SEMA4D: variants seen among roughly 807,000 people sequenced by gnomAD.
SEMA4D encodes semaphorin-4D.
SEMA4D carries 22 observed loss-of-function variants against 74.8 expected under a neutral mutation model. That is an observed-to-expected ratio of 0.29 (90% CI 0.21 to 0.42). The LOEUF (loss-of-function observed/expected upper bound fraction) is 0.42. Ranked by LOEUF, SEMA4D falls within the 10% of genes least tolerant of loss-of-function variation. SEMA4D has a pLI of 1.00. For missense variants in SEMA4D, 937 were observed against 1,118.4 expected (o/e 0.84, Z 2.31); for synonymous variants, 445 against 463.7 (o/e 0.96, Z 0.52).
At chr9:89,478,339 G>A (rs1445668718) in intron 1 of SEMA4D, among the ~76,000 whole-genome samples, 1 of 152,172 alleles carries the variant, frequency 6.6e-6, no homozygotes, top group Non-Finnish European at 1.5e-5. Context: ...ATGTGATGTT[G>A]GAGCAGAGAC....
intron 18 of SEMA4D, among the ~76,000 whole-genome samples, chr9:89,363,158 C>T (rs1211542029): frequency 6.6e-6 from 1 of 152,232 alleles, no homozygotes; most frequent in Admixed American, 6.5e-5. Flanking sequence ...TCTAACTAGA[C>T]AGCCCCACCT....
intron 1 of SEMA4D, among the ~76,000 whole-genome samples, chr9:89,469,655 A>G (rs143538057): frequency 6.6e-6 from 1 of 152,370 alleles, no homozygotes; most frequent in African/African-American, 2.4e-5. Context: ...TCACAGAAGA[A>G]AAAGCACACA....
chr9:89,472,371 T>C, intron 1 of SEMA4D: 2 of 384,206 alleles, frequency 5.2e-6, no homozygotes, highest in Non-Finnish European at 5.0e-6. Flanking sequence ...ACAAGACACT[T>C]ACAAGATGGA....
At chr9:89,447,661 G>A (rs1159012958) in intron 2 of SEMA4D, among the ~76,000 whole-genome samples, 3 of 152,056 alleles carry the variant, frequency 2.0e-5, no homozygotes, top group African/African-American at 4.8e-5. Flanking sequence ...CCGGGTGCCC[G>A]ACACCCCCAC....
chr9:89,480,834 T>C (rs557010554), intron 1 of SEMA4D, among the ~76,000 whole-genome samples: 6 of 152,196 alleles, frequency 3.9e-5, no homozygotes. Context: ...GGGAGTGGGC[T>C]CCGGCCTTGG....
intron 2 of SEMA4D, among the ~76,000 whole-genome samples, chr9:89,443,007 G>T (rs1391964114): frequency 6.6e-6 from 1 of 152,206 alleles, no homozygotes; most frequent in Non-Finnish European, 1.5e-5. Flanking sequence ...ACCGTGCTCA[G>T]CAGCAGGAGG....
chr9:89,461,546 C>A (rs530404059), intron 1 of SEMA4D, among the ~76,000 whole-genome samples: 2 of 152,164 alleles, frequency 1.3e-5, no homozygotes, highest in East Asian at 3.8e-4. Context: ...CAAGTGTGGG[C>A]ACCACAGGAA....
rs541837570 is a variant in SEMA4D at position 89,449,589 on chromosome 9, C to T, written c.-244+6299G>A. The T allele has an allele frequency of 4.5e-6, 4 of 896,506 alleles. No individual in the cohort carries two copies. The Admixed American group carries it at 6.9e-5, about 15-fold the overall frequency. The allele number at this position is 896,506 out of a possible 1,614,324, so 55.5% of individuals were successfully genotyped here. On this transcript the variant is annotated intron_variant, in intron 2 of 15. Coordinates refer to ENST00000422704, the MANE Select transcript of SEMA4D (RefSeq NM_001371194.2). ...GGCAAAGACGAGCAGCAGGAGCAAACTATCGCCGAGGACCTGGTCGTGACC... is the reference window on the plus strand; with the variant it reads ...GGCAAAGACGAGCAGCAGGAGCAAATTATCGCCGAGGACCTGGTCGTGACC...
At chr9:89,415,614 A>C (rs1037979049) in intron 2 of SEMA4D, among the ~76,000 whole-genome samples, 10 of 152,200 alleles carry the variant, frequency 6.6e-5, no homozygotes, top group Admixed American at 3.9e-4. Flanking sequence ...ACCATGTGAG[A>C]AGACGCTGTC....
chr9:89,427,581 C>T (rs1848363441), intron 2 of SEMA4D, among the ~76,000 whole-genome samples: 1 of 152,248 alleles, frequency 6.6e-6, no homozygotes, highest in Non-Finnish European at 1.5e-5. Flanking sequence ...TTTCCCTGCA[C>T]TGCTAAAAGG....
intron 1 of SEMA4D, among the ~76,000 whole-genome samples, chr9:89,489,922 C>T (rs565101975): frequency 6.6e-6 from 1 of 152,284 alleles, no homozygotes; most frequent in South Asian, 2.1e-4. Context: ...GAGGAATCTC[C>T]AAACTTTTTT....
At chr9:89,472,072 G>T (rs190944508) in intron 1 of SEMA4D, among the ~76,000 whole-genome samples, 1 of 152,358 alleles carries the variant, frequency 6.6e-6, no homozygotes, top group East Asian at 1.9e-4. Context: ...AGGAATAGGG[G>T]CTTCTAATTC....
At chr9:89,422,398 C>A (rs1484635774) in intron 2 of SEMA4D, among the ~76,000 whole-genome samples, 1 of 152,198 alleles carries the variant, frequency 6.6e-6, no homozygotes, top group African/African-American at 2.4e-5. Context: ...CCGCACAGGA[C>A]GGTTGGGGGG....
rs1377235766 is a variant in SEMA4D, at chr9:89,465,579, TG to T, written c.-309-9627del. ...AACATTGCAAATGTACTAACTGCCA[TG>T]GAACTATTCACTTTAATATGATTAA... On this transcript the variant is annotated intron_variant, in intron 1 of 15. Transcript: ENST00000422704. Among the ~76,000 whole-genome samples, 5 of 152,226 alleles carry T rather than the reference TG, an allele frequency of 3.3e-5. No individual in the cohort carries two copies. The South Asian group carries it at 8.3e-4, about 25-fold the overall frequency.
In SEMA4D at chr9:89,405,626, G is replaced by A; in HGVS notation, c.-170C>T. ...AGAATCCACATTTCCCAGTTCTCCAGGTGAGGAGGGGTCGCTCTCACCACC... is the reference window on the plus strand; with the variant it reads ...AGAATCCACATTTCCCAGTTCTCCAAGTGAGGAGGGGTCGCTCTCACCACC... On this transcript the variant is annotated 5_prime_UTR_variant, in exon 3 of 16. Transcript: ENST00000422704. 1 of 1,434,842 alleles carries A rather than the reference G, an allele frequency of 7.0e-7. No homozygotes were observed. The highest frequency in any genetic ancestry group is 9.1e-7 in the Non-Finnish European group (1 of 1,097,832). The allele number at this position is 1,434,842 out of a possible 1,614,324, so 88.9% of individuals were successfully genotyped here.
At chr9:89,466,168 G>A (rs1019762414) in intron 1 of SEMA4D, among the ~76,000 whole-genome samples, 1 of 152,104 alleles carries the variant, frequency 6.6e-6, no homozygotes, top group Non-Finnish European at 1.5e-5. Flanking sequence ...GCACAGTGCC[G>A]CAGCTCCTGG....
chr9:89,386,042 C>T, intron 13 of SEMA4D: 1 of 985,452 alleles, frequency 1.0e-6, no homozygotes, highest in Non-Finnish European at 1.2e-6. Context: ...TGCACACCCC[C>T]CAAGCTCAGG....
intron 13 of SEMA4D, among the ~76,000 whole-genome samples, chr9:89,382,419 T>G (rs1183370776): frequency 6.6e-6 from 1 of 152,064 alleles, no homozygotes; most frequent in Non-Finnish European, 1.5e-5. Context: ...GGAGTCAACT[T>G]CAGAGTGTGG....
chr9:89,491,250 C>G (rs537629843), intron 1 of SEMA4D, among the ~76,000 whole-genome samples: 1 of 152,276 alleles, frequency 6.6e-6, no homozygotes, highest in African/African-American at 2.4e-5. Flanking sequence ...GGCAGCAGTT[C>G]AAAAGCCTCT....
Sources: gnomAD v4.1 joint callset for allele counts (sites outside exome capture counted in the v4.1 genomes callset) on GRCh38, gnomAD v4.1.1 for gene constraint, MANE v1.5 for transcripts, NCBI Gene and HGNC (gene_info 2026-07-23, HGNC 2026-07-21) for gene names.